PTPRZ1: variants seen among roughly 807,000 people sequenced by gnomAD.
PTPRZ1 encodes protein tyrosine phosphatase receptor type Z1.
PTPRZ1 carries 82 observed loss-of-function variants against 214.1 expected under a neutral mutation model. The observed-to-expected ratio is 0.38, with a 90% CI of 0.32 to 0.46. PTPRZ1 has a LOEUF of 0.46. Among genes scored for constraint, PTPRZ1 ranks in the 20% least tolerant of loss-of-function variants. The probability of loss-of-function intolerance (pLI) is 1.00; values close to 1 mark genes in which losing one functional copy is unlikely to be tolerated. For synonymous variants in PTPRZ1, 945 were observed against 987.9 expected (o/e 0.96, Z 0.81); for missense variants, 2,603 against 2,748.7 (o/e 0.95, Z 1.19).
At position 121,941,618 on chromosome 7, in the gene PTPRZ1, G is replaced by A. The variant is rs189572025; in HGVS notation, c.124+13397G>A. On this transcript the variant is annotated intron_variant, in intron 2 of 29. Coordinates refer to ENST00000393386, the MANE Select transcript of PTPRZ1 (RefSeq NM_002851.3). ...TGTTTTATAATCAGGTGTGGGAAAAGGGAGCTTAAATGTCTAAATTAATTT... is the reference window on the plus strand; with the variant it reads ...TGTTTTATAATCAGGTGTGGGAAAAAGGAGCTTAAATGTCTAAATTAATTT... Among the ~76,000 whole-genome samples the A allele has an allele frequency of 9.5e-3, 1,447 of 152,274 alleles. 23 individuals are homozygous for A. Among genetic ancestry groups the A allele is most frequent in the African/African-American group, 0.031 (1,297 of 41,568 alleles).
intron 13 of PTPRZ1, among the ~76,000 whole-genome samples, chr7:122,026,411 CATG>C (rs1799208068): frequency 6.6e-6 from 1 of 152,324 alleles, no homozygotes; most frequent in South Asian, 2.1e-4. Context: ...ACCTTAAAAG[CATG>C]TATCAAGTCC....
chr7:121,901,897 A>T (rs1407724627), intron 1 of PTPRZ1, among the ~76,000 whole-genome samples: 1 of 152,204 alleles, frequency 6.6e-6, no homozygotes, highest in African/African-American at 2.4e-5. Flanking sequence ...TGAAGAATAC[A>T]ATACATTATT....
intron 13 of PTPRZ1, among the ~76,000 whole-genome samples, chr7:122,023,722 A>AGTATATGTATAATT (rs1562868668): frequency 1.5e-5 from 2 of 131,224 alleles, no homozygotes; most frequent in Non-Finnish European, 3.1e-5. Flanking sequence ...AATTATATAT[A>AGTATATGTATAATT]TTATATGTAT....
At chr7:121,890,941 G>A (rs1319122007) in intron 1 of PTPRZ1, among the ~76,000 whole-genome samples, 1 of 151,858 alleles carries the variant, frequency 6.6e-6, no homozygotes. Context: ...GCCTCCCAAA[G>A]TTTTGGGATT....
At chr7:121,893,625 A>G (rs925144137) in intron 1 of PTPRZ1, among the ~76,000 whole-genome samples, 1 of 152,258 alleles carries the variant, frequency 6.6e-6, no homozygotes, top group Non-Finnish European at 1.5e-5. Context: ...CCAGGTGCTC[A>G]GGTAAACAAT....
chr7:121,986,771 C>T (rs892411266), intron 8 of PTPRZ1, among the ~76,000 whole-genome samples: 2 of 152,138 alleles, frequency 1.3e-5, no homozygotes, highest in Admixed American at 1.3e-4. Flanking sequence ...TAGACTCACT[C>T]ATTTAAATTG....
chr7:122,018,697 C>T lies in PTPRZ1; in HGVS notation c.4844-427C>T, dbSNP rs1404015107. Among the ~76,000 whole-genome samples the T allele has an allele frequency of 2.6e-5, 4 of 152,010 alleles. No individual in the cohort carries two copies. In the East Asian group the frequency reaches 7.7e-4, roughly 29 times the overall value. ...ATTGCTTCTAACTATTTACCTAATG[C>T]AGGGTTAAAAATAATCCTATTTAAA... On this transcript the variant is annotated intron_variant, in intron 12 of 29. Transcript: ENST00000393386.
At chr7:122,007,695 A>G (rs905580416) in intron 11 of PTPRZ1, among the ~76,000 whole-genome samples, 1 of 152,148 alleles carries the variant, frequency 6.6e-6, no homozygotes, top group African/African-American at 2.4e-5. Context: ...GAAATGTATG[A>G]CTTTGCAAGA....
chr7:121,996,122 A>T (rs76247545), intron 8 of PTPRZ1, among the ~76,000 whole-genome samples: 2,371 of 152,256 alleles, frequency 0.016, 36 homozygotes, highest in Non-Finnish European at 0.023. Context: ...GTAGAGATTA[A>T]TGTGAGTAAT....
At chr7:121,944,661 A>G (rs1449841639) in intron 2 of PTPRZ1, among the ~76,000 whole-genome samples, 2 of 151,682 alleles carry the variant, frequency 1.3e-5, no homozygotes, top group South Asian at 2.1e-4. Context: ...TTTTTTAAAG[A>G]CAGTCTTGTC....
At chr7:121,958,818 T>TTTG (rs1005079592) in intron 2 of PTPRZ1, among the ~76,000 whole-genome samples, 17 of 152,080 alleles carry the variant, frequency 1.1e-4, no homozygotes, top group South Asian at 2.1e-4. Context: ...AATGACATCT[T>TTTG]TTGTTGTTGT....
At position 122,051,534 on chromosome 7, in the gene PTPRZ1, G is replaced by T; in HGVS notation, c.6178+13G>T. On this transcript the variant is annotated intron_variant, in intron 24 of 29. Coordinates refer to ENST00000393386, the MANE Select transcript of PTPRZ1 (RefSeq NM_002851.3). ...TCTATCATCCCTGGTAAGTTGTGTT[G>T]ATCCTTGAAAAAACAACTTTTTTAA... 2 of 1,601,072 alleles carry T rather than the reference G, an allele frequency of 1.2e-6. No homozygotes were observed. The highest frequency in any genetic ancestry group is 2.3e-5 in the South Asian group (2 of 88,508).
chr7:122,060,171 T>A (rs1316554627), intron 29 of PTPRZ1, among the ~76,000 whole-genome samples: 2 of 152,182 alleles, frequency 1.3e-5, no homozygotes, highest in Admixed American at 1.3e-4. Flanking sequence ...TAGGCTCACC[T>A]TCAGCTCTTT....
At chr7:121,985,213 C>T (rs549887781) in intron 8 of PTPRZ1, among the ~76,000 whole-genome samples, 2 of 152,248 alleles carry the variant, frequency 1.3e-5, no homozygotes, top group African/African-American at 4.8e-5. Flanking sequence ...AATTTAATTA[C>T]ATTTCTATCA....
At chr7:121,943,261 T>C (rs73437181) in intron 2 of PTPRZ1, among the ~76,000 whole-genome samples, 148 of 152,328 alleles carry the variant, frequency 9.7e-4, no homozygotes, top group African/African-American at 3.4e-3. Context: ...CAGTATGTTC[T>C]TTTTTTGACA....
chr7:122,036,081 T>C (rs1799523986), intron 17 of PTPRZ1, among the ~76,000 whole-genome samples: 1 of 152,190 alleles, frequency 6.6e-6, no homozygotes. Context: ...CTGTTTGCTG[T>C]AACCATTCAC....
intron 12 of PTPRZ1, among the ~76,000 whole-genome samples, chr7:122,015,727 C>T (rs1798824212): frequency 6.6e-6 from 1 of 151,934 alleles, no homozygotes; most frequent in Non-Finnish European, 1.5e-5. Flanking sequence ...AGATGCTAAA[C>T]CTAAAATTAT....
At chr7:122,055,146 G>C in intron 27 of PTPRZ1, 59 bp downstream of exon 27, 2 of 1,324,958 alleles carry the variant, frequency 1.5e-6, no homozygotes, top group Non-Finnish European at 2.0e-6. Context: ...AACATATTCT[G>C]ACCTAAGGAT....
chr7:122,019,313 G>T, intron 13 of PTPRZ1, 45 bp downstream of exon 13: 1 of 1,551,436 alleles, frequency 6.4e-7, no homozygotes, highest in Non-Finnish European at 8.8e-7. Flanking sequence ...ATAAAACTCA[G>T]ATTTTGCCCA....
Sources: allele counts gnomAD v4.1 joint callset (sites outside exome capture counted in the v4.1 genomes callset), GRCh38; gene constraint gnomAD v4.1.1; transcripts MANE v1.5; gene names NCBI Gene and HGNC (gene_info 2026-07-23, HGNC 2026-07-21).